Variants in ADCY3 observed in about 807,000 individuals in gnomAD.
ADCY3 encodes the protein adenylate cyclase 3.
ADCY3 carries 70 observed loss-of-function variants against 119.4 expected under a neutral mutation model. The observed-to-expected ratio is 0.59, with a 90% confidence interval of 0.48 to 0.72. ADCY3 has a LOEUF of 0.72. ADCY3 is among the 30% of genes least tolerant of loss of function. ADCY3 has a pLI of 0.00. For synonymous variants in ADCY3, 672 were observed against 621.4 expected, an observed-to-expected ratio of 1.08 and a Z score of -1.21; for missense variants, 1,238 against 1,541.6, an observed-to-expected ratio of 0.80 and a Z score of 3.30.
intron 16 of ADCY3, 77 bp from the exon 17 acceptor site, chr2:24,824,613 G>T (rs1215940412): frequency 1.3e-6 from 2 of 1,533,442 alleles, no homozygotes; most frequent in Admixed American, 3.5e-5. Context: ...GAATGGCCAG[G>T]CGTGGCGGTT....
chr2:24,857,131 C>T (rs1191064758), intron 3 of ADCY3, among the ~76,000 whole-genome samples: 1 of 152,206 alleles, frequency 6.6e-6, no homozygotes, highest in Non-Finnish European at 1.5e-5. Flanking sequence ...CAGCCCAGAG[C>T]TCTTACCCTG....
At chr2:24,873,825 C>A (rs981754812) in intron 2 of ADCY3, among the ~76,000 whole-genome samples, 2 of 152,232 alleles carry the variant, frequency 1.3e-5, no homozygotes, top group Non-Finnish European at 2.9e-5. Flanking sequence ...AGCCCTGGAT[C>A]CCCGACGCCT....
Position 24,841,488 on chromosome 2 carries a change from G to T in ADCY3, c.1068+68C>A. The stretch of plus-strand genomic sequence containing the variant: ...CAGTGGGAGAAAATCATGGGGCCGG[G>T]GATGGGGGCCAGGCAGAGGCCATGA... On this transcript the variant is annotated intron_variant, in intron 5 of 21. Coordinates refer to ENST00000679454, the MANE Select transcript of ADCY3 (RefSeq NM_004036.5). The surrounding 1 kb of genome is among the most constrained non-coding windows in gnomAD (Gnocchi z 5.8). 1.3e-6 allele frequency: 2 copies of T among 1,590,240 alleles called. No homozygotes were observed. Among genetic ancestry groups the T allele is most frequent in the Non-Finnish European group, 1.7e-6 (2 of 1,165,786 alleles).
At chr2:24,856,149 C>T (rs1429775440) in intron 3 of ADCY3, among the ~76,000 whole-genome samples, 3 of 152,168 alleles carry the variant, frequency 2.0e-5, no homozygotes, top group Admixed American at 1.3e-4. Flanking sequence ...CCATAGTGCT[C>T]AGGTGGCTGG....
chr2:24,838,410 T>TGGGTGGGGTGGGTGGGGTG (rs1553339302), intron 8 of ADCY3, 35 bp downstream of exon 8: 5 of 464,970 alleles, frequency 1.1e-5, no homozygotes, highest in South Asian at 5.7e-5. Flanking sequence ...AGGGGTGGGG[T>TGGGTGGGGTGGGTGGGGTG]GGGTGGGGTG....
At chr2:24,848,318 C>T (rs967529161) in intron 3 of ADCY3, among the ~76,000 whole-genome samples, 1 of 152,244 alleles carries the variant, frequency 6.6e-6, no homozygotes, top group African/African-American at 2.4e-5. Context: ...ACTAGCCCAA[C>T]CTATTCCTTT....
chr2:24,918,934 G>C lies in ADCY3; in HGVS notation c.54C>G (p.Ala18=), dbSNP rs1157105174. 1.9e-6 allele frequency: 3 copies of C among 1,611,402 alleles called. No individual in the cohort carries two copies. Among genetic ancestry groups the C allele is most frequent in the Non-Finnish European group, 1.7e-6 (2 of 1,179,678 alleles). ...CGGAGGGCAGGCTGACGGAGTACTC[G>C]GCTGAGTACTCGGCCGAGTATTCGG... ...SEPEYSAEYS[A]EYSVSLPSDP... is the part of the protein sequence containing the mutation. Residue 18 remains alanine, a synonymous_variant, in exon 2 of 22, where the codon GCC becomes GCG. Transcript: ENST00000679454. The surrounding 1 kb of genome is among the most constrained non-coding windows in gnomAD (Gnocchi z 5.4).
In ADCY3 at chr2:24,820,775, T is replaced by G. The variant is rs749621110; in HGVS notation, c.3201A>C (p.Thr1067=). ...ACTCCATCCTGCTGGCTACATTGAC[T>G]GTATTGCCCCAGATGTCGTAGTGTG... ...RKPHYDIWGN[T]VNVASRMEST... Residue 1067 remains threonine (T), a synonymous_variant, in exon 21 of 22, where the codon ACA becomes ACC. Transcript: ENST00000679454. The G allele has an allele frequency of 6.2e-7, 1 of 1,614,106 alleles. No homozygotes were observed. Among genetic ancestry groups the G allele is most frequent in the South Asian group, 1.1e-5 (1 of 91,078 alleles).
At chr2:24,908,664 C>T (rs1257923797) in intron 2 of ADCY3, among the ~76,000 whole-genome samples, 1 of 152,190 alleles carries the variant, frequency 6.6e-6, no homozygotes, top group Non-Finnish European at 1.5e-5. Context: ...ACTCCCGTGC[C>T]CTTGTTTGCC....
chr2:24,889,807 G>T (rs1407211641), intron 2 of ADCY3, among the ~76,000 whole-genome samples: 1 of 152,252 alleles, frequency 6.6e-6, no homozygotes, highest in Non-Finnish European at 1.5e-5. Flanking sequence ...TTGCACTCCA[G>T]CCTGGGCAGC....
chr2:24,842,614 G>A lies in ADCY3; in HGVS notation c.826-230C>T, dbSNP rs1671154774. The A allele has an allele frequency of 7.4e-6, 4 of 538,374 alleles. No individual in the cohort carries two copies. The Admixed American group carries it at 1.3e-4, about 17-fold the overall frequency. The allele number at this position is 538,374 out of a possible 1,614,324, so 33.3% of individuals were successfully genotyped here. A position where few individuals can be genotyped will look rare whatever the true frequency, so the allele number is the denominator to read the frequency against. ...CAATGGCCCCTTCAGAGCAACTGAGGGGAGCCAGAAACGCAGTGAAGCATC... is the reference window on the plus strand; with the variant it reads ...CAATGGCCCCTTCAGAGCAACTGAGAGGAGCCAGAAACGCAGTGAAGCATC... On this transcript the variant is annotated intron_variant, in intron 3 of 21. Coordinates refer to ENST00000679454, the MANE Select transcript of ADCY3 (RefSeq NM_004036.5). The surrounding 1 kb of genome is among the most constrained non-coding windows in gnomAD (Gnocchi z 4.9).
intron 2 of ADCY3, among the ~76,000 whole-genome samples, chr2:24,909,140 G>A (rs549896925): frequency 3.5e-4 from 54 of 152,172 alleles, no homozygotes; most frequent in African/African-American, 1.2e-3. Flanking sequence ...GATGTCCCAC[G>A]GGCAACTCAA....
intron 13 of ADCY3, among the ~76,000 whole-genome samples, chr2:24,829,428 T>C (rs1417930859): frequency 7.2e-6 from 1 of 139,338 alleles, no homozygotes; most frequent in Non-Finnish European, 1.6e-5. Flanking sequence ...TTTTTTTTTT[T>C]TTTTTTTTTT....
At chr2:24,914,278 A>G (rs932569495) in intron 2 of ADCY3, among the ~76,000 whole-genome samples, 12 of 152,222 alleles carry the variant, frequency 7.9e-5, no homozygotes, top group South Asian at 2.1e-4. Context: ...GAACACAGAC[A>G]AATGAGCCCT....
At chr2:24,822,417 A>G in intron 19 of ADCY3, 94 bp downstream of exon 19, 1 of 1,542,856 alleles carries the variant, frequency 6.5e-7, no homozygotes, top group Non-Finnish European at 8.8e-7. Flanking sequence ...ACCACTTTGC[A>G]CAGCAGTTCT....
At chr2:24,860,989 G>A (rs1461445319) in intron 3 of ADCY3, among the ~76,000 whole-genome samples, 1 of 152,216 alleles carries the variant, frequency 6.6e-6, no homozygotes, top group Non-Finnish European at 1.5e-5. Flanking sequence ...TGGGGCTCAC[G>A]ACTGCAATCC....
intron 2 of ADCY3, among the ~76,000 whole-genome samples, chr2:24,884,308 G>A (rs957217539): frequency 1.3e-5 from 2 of 151,994 alleles, no homozygotes; most frequent in Non-Finnish European, 2.9e-5. Flanking sequence ...CTCTTCTACA[G>A]AATCACTGTT....
chr2:24,904,276 TC>T (rs1330177442), intron 2 of ADCY3, among the ~76,000 whole-genome samples: 2 of 152,162 alleles, frequency 1.3e-5, no homozygotes, highest in Non-Finnish European at 2.9e-5. Context: ...ACGCCTGTAA[TC>T]CCAACACTTT....
intron 20 of ADCY3, chr2:24,821,217 G>A: frequency 2.2e-6 from 1 of 446,926 alleles, no homozygotes. Flanking sequence ...CATGTCCTCA[G>A]CAGGCACAGC....
Sources: allele counts gnomAD v4.1 joint callset (sites outside exome capture counted in the v4.1 genomes callset), GRCh38; gene constraint gnomAD v4.1.1; non-coding constraint Gnocchi (gnomAD v3.1); transcripts MANE v1.5; gene names NCBI Gene and HGNC (gene_info 2026-07-23, HGNC 2026-07-21).